Variants in MGST1 observed in about 807,000 individuals in gnomAD.
MGST1 encodes the protein glutathione S-transferase 12.
A neutral mutation model predicts 8.9 loss-of-function variants in MGST1; 5 were observed. The ratio of observed to expected loss-of-function variants is 0.56; its 90% CI spans 0.29 to 1.19. The LOEUF is 1.19. MGST1 is among the 50% of genes most tolerant of loss of function. MGST1 has a pLI of 0.08. For missense variants in MGST1, 182 were observed against 187.4 expected (o/e 0.97, Z 0.17); for synonymous variants, 54 against 67.8 (o/e 0.80, Z 1.00).
chr12:16,490,897 A>G (rs1240115926), intron 4 of MGST1, among the ~76,000 whole-genome samples: 1 of 152,192 alleles, frequency 6.6e-6, no homozygotes, highest in Non-Finnish European at 1.5e-5. Context: ...GACATGATTT[A>G]TTAAGTACTT....
chr12:16,553,578 T>G (rs1942073745), intron 4 of MGST1, among the ~76,000 whole-genome samples: 1 of 152,170 alleles, frequency 6.6e-6, no homozygotes, highest in Admixed American at 6.5e-5. Flanking sequence ...CATTTCAATT[T>G]ATACTTAAAG....
At chr12:16,542,047 TGG>T (rs1372474073) in intron 4 of MGST1, among the ~76,000 whole-genome samples, 2 of 152,162 alleles carry the variant, frequency 1.3e-5, no homozygotes, top group Non-Finnish European at 2.9e-5. Flanking sequence ...TTCATTCTCT[TGG>T]TCATCTGTGC....
Position 16,401,741 on chromosome 12 carries a change from CT to C in MGST1, n.778+18138del, listed in dbSNP as rs1940656887. On this transcript the variant is annotated intron_variant and non_coding_transcript_variant, in intron 1 of 1. Transcript: ENST00000359720. This position sits in a 1 kb window ranked among gnomAD's most constrained non-coding sequence, Gnocchi z 4.3. ...GGTCTGCCCCAGCAAGGTATTTTTT[CT>C]CTTCAACGGCCTTTTCCACAGACTC... The C allele has an allele frequency of 6.2e-7, 1 of 1,600,328 alleles. No homozygotes were observed. The highest frequency in any genetic ancestry group is 1.3e-5 in the African/African-American group (1 of 74,630).
intron 4 of MGST1, among the ~76,000 whole-genome samples, chr12:16,541,668 G>A (rs1249579980): frequency 6.6e-6 from 1 of 151,968 alleles, no homozygotes; most frequent in Non-Finnish European, 1.5e-5. Context: ...ACTATTCTCA[G>A]GTCTCTTTTT....
At chr12:16,479,467 C>G (rs1464498737) in intron 4 of MGST1, among the ~76,000 whole-genome samples, 1 of 151,212 alleles carries the variant, frequency 6.6e-6, no homozygotes, top group African/African-American at 2.4e-5. Context: ...ATCTCCTGAC[C>G]TCATGATCTG....
At position 16,410,964 on chromosome 12, in the gene MGST1, T is replaced by C; in HGVS notation, n.779-26424T>C. Among the ~76,000 whole-genome samples, 1 of 152,160 alleles carries C rather than the reference T, an allele frequency of 6.6e-6. No individual in the cohort carries two copies. Among genetic ancestry groups the C allele is most frequent in the East Asian group, 1.9e-4 (1 of 5,196 alleles). ...TCATATTCCATGCTTTTTTCTGACA[T>C]GGAACCTTTGAATGTACCTTTCCCT... On this transcript the variant is annotated intron_variant and non_coding_transcript_variant, in intron 1 of 1. Transcript: ENST00000359720. This position sits in a 1 kb window ranked among gnomAD's most constrained non-coding sequence, Gnocchi z 4.4.
intron 1 of MGST1, among the ~76,000 whole-genome samples, chr12:16,419,374 G>A (rs1459276934): frequency 1.3e-5 from 2 of 152,112 alleles, no homozygotes; most frequent in Non-Finnish European, 2.9e-5. Flanking sequence ...CCAGGGGTGG[G>A]AGTGGTGAAA....
chr12:16,589,882 C>A (rs1302204188), downstream of MGST1, among the ~76,000 whole-genome samples: 4 of 152,016 alleles, frequency 2.6e-5, no homozygotes, highest in Admixed American at 1.3e-4. The surrounding 1 kb of genome is among the most constrained non-coding windows in gnomAD (Gnocchi z 4.2). Flanking sequence ...AGGAATTAAG[C>A]CTCGTAAAGC....
rs186952868 is a variant in MGST1, at chr12:16,553,071, T to C, written n.483-36457T>C. Among the ~76,000 whole-genome samples the C allele has an allele frequency of 1.5e-3, 221 of 152,210 alleles. 1 individual carries two copies. Among genetic ancestry groups the C allele is most frequent in the African/African-American group, 3.7e-3 (154 of 41,576 alleles). ...AAATCTTACCTCAATGTTTGAAACA[T>C]AGGTAAAATAGCCACCTTTTTATGC... On this transcript the variant is annotated intron_variant and non_coding_transcript_variant, in intron 4 of 4. Transcript: ENST00000538857.
chr12:16,400,889 T>C lies in MGST1; in HGVS notation n.778+17285T>C, dbSNP rs1940649376. ...CTTAGGCATCAGAGATGGGTGTTTATAGGACACATTAGATTTGTGAGCTTT... is the reference window on the plus strand; with the variant it reads ...CTTAGGCATCAGAGATGGGTGTTTACAGGACACATTAGATTTGTGAGCTTT... On this transcript the variant is annotated intron_variant and non_coding_transcript_variant, in intron 1 of 1. Transcript: ENST00000359720. 6 of 1,188,912 alleles carry C rather than the reference T, an allele frequency of 5.0e-6. No individual in the cohort carries two copies. The South Asian group carries it at 6.1e-5, about 12-fold the overall frequency. The allele number at this position is 1,188,912 out of a possible 1,614,324, so 73.6% of individuals were successfully genotyped here.
At chr12:16,478,525 T>C (rs1197375053) in intron 4 of MGST1, among the ~76,000 whole-genome samples, 2 of 152,152 alleles carry the variant, frequency 1.3e-5, no homozygotes, top group Non-Finnish European at 2.9e-5. Context: ...CACTGTGAAG[T>C]CTTGATGTTA....
At chr12:16,484,051 C>T (rs1033911512) in intron 4 of MGST1, among the ~76,000 whole-genome samples, 3 of 152,178 alleles carry the variant, frequency 2.0e-5, no homozygotes, top group Non-Finnish European at 2.9e-5. Flanking sequence ...AAGATAACTA[C>T]GTATGCCCAC....
intron 4 of MGST1, among the ~76,000 whole-genome samples, chr12:16,509,519 A>C (rs1026532571): frequency 6.6e-6 from 1 of 152,218 alleles, no homozygotes; most frequent in Non-Finnish European, 1.5e-5. Context: ...AAGACTAAAG[A>C]GCTCCTTTAG....
intron 1 of MGST1, among the ~76,000 whole-genome samples, chr12:16,417,199 C>T (rs985565065): frequency 7.2e-5 from 11 of 152,198 alleles, no homozygotes; most frequent in Admixed American, 6.5e-4. Context: ...CCTCAGGAAA[C>T]TTACAATCAT....
chr12:16,494,710 G>C (rs1305008325), intron 4 of MGST1, among the ~76,000 whole-genome samples: 1 of 152,096 alleles, frequency 6.6e-6, no homozygotes, highest in Non-Finnish European at 1.5e-5. Context: ...TTGCAGAGAG[G>C]CTTCTTTTCC....
chr12:16,551,444 T>G, intron 4 of MGST1: 1 of 647,832 alleles, frequency 1.5e-6, no homozygotes, highest in Non-Finnish European at 2.7e-6. Flanking sequence ...TCTGAAAACC[T>G]GGCTTAGACA....
chr12:16,413,965 A>T lies in MGST1; in HGVS notation n.779-23423A>T, dbSNP rs1940763656. ...AGGCTTACTTTCTGCAAAATTTAGA[A>T]AATTCAGAATAAATATAAGTTTTGT... On this transcript the variant is annotated intron_variant and non_coding_transcript_variant, in intron 1 of 1. Transcript: ENST00000359720. The surrounding 1 kb of genome is among the most constrained non-coding windows in gnomAD (Gnocchi z 4.0). 6.6e-6 allele frequency among the ~76,000 whole-genome samples: 1 copy of T among 152,186 alleles called. No homozygotes were observed. The highest frequency in any genetic ancestry group is 2.4e-5 in the African/African-American group (1 of 41,448).
At position 16,413,242 on chromosome 12, in the gene MGST1, C is replaced by A. The variant is rs1394034264; in HGVS notation, n.779-24146C>A. On this transcript the variant is annotated intron_variant and non_coding_transcript_variant, in intron 1 of 1. Transcript: ENST00000359720. This position sits in a 1 kb window ranked among gnomAD's most constrained non-coding sequence, Gnocchi z 4.0. Reference sequence around the variant, plus strand: ...ACTGGTATCTACGGATGCTGTGTTGCCATTTGGGCAACCACCACATACCAC... The same window carrying A: ...ACTGGTATCTACGGATGCTGTGTTGACATTTGGGCAACCACCACATACCAC... Among the ~76,000 whole-genome samples the A allele has an allele frequency of 2.6e-5, 4 of 152,116 alleles. No individual in the cohort carries two copies. Among genetic ancestry groups the A allele is most frequent in the Non-Finnish European group, 5.9e-5 (4 of 68,024 alleles).
chr12:16,489,504 G>A (rs1941423272), intron 4 of MGST1, among the ~76,000 whole-genome samples: 1 of 152,168 alleles, frequency 6.6e-6, no homozygotes, highest in African/African-American at 2.4e-5. Context: ...GCCTTGCAAA[G>A]TATTCATCAC....
Sources: allele counts gnomAD v4.1 joint callset (sites outside exome capture counted in the v4.1 genomes callset), GRCh38; gene constraint gnomAD v4.1.1; non-coding constraint Gnocchi (gnomAD v3.1); transcripts MANE v1.5; gene names NCBI Gene and HGNC (gene_info 2026-07-23, HGNC 2026-07-21).